The following ZNF831 variants were observed in gnomAD, a reference collection of about 807,000 sequenced individuals.
ZNF831 encodes zinc finger protein 831, also known as chromosome 20 open reading frame 174.
Under a neutral mutation model 95.8 loss-of-function variants are expected in ZNF831, and 59 were observed. The observed-to-expected ratio is 0.62, with a 90% CI of 0.50 to 0.77. ZNF831 has a LOEUF of 0.77. ZNF831 is among the 30% of genes least tolerant of loss of function. The pLI is 0.00. For synonymous variants in ZNF831, 961 were observed against 925.5 expected, an observed-to-expected ratio of 1.04 and a Z score of -0.70; for missense variants, 2,205 against 2,164.0, an observed-to-expected ratio of 1.02 and a Z score of -0.38.
At chr20:59,142,433 T>A (rs1019923992) in intron 1 of ZNF831, among the ~76,000 whole-genome samples, 1 of 152,204 alleles carries the variant, frequency 6.6e-6, no homozygotes, top group African/African-American at 2.4e-5. Context: ...TGAATCTGGT[T>A]TGTGTTCTCT....
intron 4 of ZNF831, among the ~76,000 whole-genome samples, chr20:59,238,912 C>T (rs778366413): frequency 1.3e-5 from 2 of 152,080 alleles, no homozygotes; most frequent in Non-Finnish European, 2.9e-5. Flanking sequence ...GACGCAGGGC[C>T]GGAAGAGGTT....
In ZNF831 at chr20:59,188,529, C is replaced by T. The variant is rs112946215; in HGVS notation, c.-36-2455C>T. Among the ~76,000 whole-genome samples the T allele has an allele frequency of 2.0e-3, 305 of 152,088 alleles. 2 individuals carry two copies. Among genetic ancestry groups the T allele is most frequent in the African/African-American group, 5.7e-3 (237 of 41,476 alleles). ...AAAATTATCTGGGTGTGGTGGTGCACGCCTGTAGTCCCAGCTACTCAGGCG... is the reference window on the plus strand; with the variant it reads ...AAAATTATCTGGGTGTGGTGGTGCATGCCTGTAGTCCCAGCTACTCAGGCG... On this transcript the variant is annotated intron_variant, in intron 1 of 5. Transcript: ENST00000371030.
intron 1 of ZNF831, among the ~76,000 whole-genome samples, chr20:59,180,788 G>C (rs1177740448): frequency 1.3e-5 from 2 of 152,166 alleles, no homozygotes; most frequent in Non-Finnish European, 2.9e-5. Context: ...TGGGCATTTG[G>C]GTTGGTTCCA....
intron 2 of ZNF831, among the ~76,000 whole-genome samples, chr20:59,149,473 A>C (rs1234315189): frequency 6.6e-6 from 1 of 152,148 alleles, no homozygotes; most frequent in Non-Finnish European, 1.5e-5. Context: ...AGTCTTATAC[A>C]TTTCATTTTA....
At chr20:59,141,389 G>A (rs545830699) in intron 1 of ZNF831, among the ~76,000 whole-genome samples, 2 of 152,274 alleles carry the variant, frequency 1.3e-5, no homozygotes, top group East Asian at 3.9e-4. Flanking sequence ...TGTATAAGGT[G>A]TGAGGTGTAG....
chr20:59,185,649 C>T (rs1039360054), intron 1 of ZNF831, among the ~76,000 whole-genome samples: 1 of 152,140 alleles, frequency 6.6e-6, no homozygotes, highest in Admixed American at 6.5e-5. Flanking sequence ...GCGTGTGCCT[C>T]GTCCTCCTGC....
At chr20:59,128,200 TCA>T (rs1245956885) in intron 1 of ZNF831, among the ~76,000 whole-genome samples, 2 of 152,198 alleles carry the variant, frequency 1.3e-5, no homozygotes, top group Non-Finnish European at 2.9e-5. Flanking sequence ...AATGCAATAG[TCA>T]CAGTGAGGAG....
intron 4 of ZNF831, among the ~76,000 whole-genome samples, chr20:59,225,450 G>A (rs1043862845): frequency 6.6e-6 from 1 of 152,186 alleles, no homozygotes; most frequent in African/African-American, 2.4e-5. Flanking sequence ...AGTCATCTGT[G>A]TAGTTTGATA....
chr20:59,174,931 T>G (rs932528410), intron 1 of ZNF831, among the ~76,000 whole-genome samples: 2 of 152,136 alleles, frequency 1.3e-5, no homozygotes, highest in Non-Finnish European at 2.9e-5. Flanking sequence ...TGGTGACAGA[T>G]TCTATTTGTT....
intron 1 of ZNF831, among the ~76,000 whole-genome samples, chr20:59,190,677 T>C (rs1157031123): frequency 6.6e-6 from 1 of 152,238 alleles, no homozygotes; most frequent in African/African-American, 2.4e-5. Context: ...TGCCAGGGGA[T>C]GATGGTGGCA....
chr20:59,164,313 A>T (rs1981083808), intron 1 of ZNF831, among the ~76,000 whole-genome samples, 106 bp downstream of exon 1: 1 of 152,232 alleles, frequency 6.6e-6, no homozygotes, highest in African/African-American at 2.4e-5. Context: ...CACGCAGTTA[A>T]AGGGAAAATG....
chr20:59,241,419 T>G (rs890040315), intron 4 of ZNF831, among the ~76,000 whole-genome samples: 2 of 152,024 alleles, frequency 1.3e-5, no homozygotes, highest in African/African-American at 4.8e-5. Flanking sequence ...AAGTACTCTC[T>G]CTTTTGAGGT....
rs1988263561 is a variant in ZNF831 at position 59,258,082 on chromosome 20, GCTTAA to G, written c.*3341_*3345del. On this transcript the variant is annotated 3_prime_UTR_variant, in exon 6 of 6. Coordinates refer to ENST00000371030, the MANE Select transcript of ZNF831 (RefSeq NM_178457.3). Reference sequence around the variant, plus strand: ...AAAAACAGCTCATCTCTCCTGTTAGGCTTAACCCTTGAGATTTGAGACAAAGCTAA... The same window carrying G: ...AAAAACAGCTCATCTCTCCTGTTAGGCCCTTGAGATTTGAGACAAAGCTAA... 6.7e-6 allele frequency: 1 copy of G among 149,810 alleles called. No individual in the cohort carries two copies. The highest frequency in any genetic ancestry group is 2.2e-4 in the South Asian group (1 of 4,576). 9.3% of individuals were successfully genotyped at this position (149,810 alleles called of 1,614,324 possible). A position where few individuals can be genotyped will look rare whatever the true frequency, so the allele number is the denominator to read the frequency against.
upstream of ZNF831, chr20:59,160,541 T>A (rs568482328): frequency 1.3e-5 from 2 of 152,376 alleles, no homozygotes; most frequent in African/African-American, 4.8e-5. Context: ...ACCAGGTGGC[T>A]CCACTCAGAG....
chr20:59,187,531 G>C (rs1983152533), intron 1 of ZNF831, among the ~76,000 whole-genome samples: 1 of 151,944 alleles, frequency 6.6e-6, no homozygotes, highest in Non-Finnish European at 1.5e-5. Flanking sequence ...CCCAATCTAG[G>C]GTATTTTTGT....
At chr20:59,220,212 A>G (rs1365153047) in intron 4 of ZNF831, among the ~76,000 whole-genome samples, 1 of 152,234 alleles carries the variant, frequency 6.6e-6, no homozygotes. Context: ...CAGTAGCCAA[A>G]TAGAATCAGT....
At chr20:59,240,260 C>G (rs1898366076) in intron 4 of ZNF831, among the ~76,000 whole-genome samples, 6 of 152,112 alleles carry the variant, frequency 3.9e-5, no homozygotes, top group Admixed American at 3.9e-4. Flanking sequence ...TTACACTCTT[C>G]TTCGGACAAG....
In ZNF831 at chr20:59,164,574, G is replaced by GTA. The variant is rs536749672; in HGVS notation, c.-37+376_-37+377dup. On this transcript the variant is annotated intron_variant, in intron 1 of 5. Coordinates refer to ENST00000371030, the MANE Select transcript of ZNF831 (RefSeq NM_178457.3). The stretch of plus-strand genomic sequence containing the variant: ...GAACATATTAGCCCAAGTATGTGTG[G>GTA]TATATATATACACATATATATGTAT... Among the ~76,000 whole-genome samples the GTA allele has an allele frequency of 3.9e-4, 60 of 152,044 alleles. 1 individual carries two copies. The East Asian group carries it at 8.3e-3, about 21-fold the overall frequency.
At chr20:59,186,453 C>T (rs260012) in intron 1 of ZNF831, among the ~76,000 whole-genome samples, 18,008 of 152,206 alleles carry the variant, frequency 0.12, 2,167 homozygotes, top group African/African-American at 0.31. Flanking sequence ...GGAGCGCTTA[C>T]TCTGTGCTGG....
Sources: allele counts gnomAD v4.1 joint callset (sites outside exome capture counted in the v4.1 genomes callset), GRCh38; gene constraint gnomAD v4.1.1; transcripts MANE v1.5; gene names NCBI Gene and HGNC (gene_info 2026-07-23, HGNC 2026-07-21).